Variants in SLITRK5 observed in about 807,000 individuals in gnomAD.
The protein encoded by SLITRK5 is SLIT and NTRK-like protein 5.
SLITRK5 carries 23 observed loss-of-function variants against 56.2 expected under a neutral mutation model. The ratio of observed to expected loss-of-function variants is 0.41; its 90% CI spans 0.29 to 0.58. SLITRK5 has a LOEUF of 0.58. Among genes scored for constraint, SLITRK5 ranks in the 20% least tolerant of loss-of-function variants. SLITRK5 has a pLI of 0.30. For missense variants in SLITRK5, 1,289 were observed against 1,226.6 expected, an observed-to-expected ratio of 1.05 and a Z score of -0.76; for synonymous variants, 637 against 531.8, an observed-to-expected ratio of 1.20 and a Z score of -2.72.
At chr13:87,674,624 G>A (rs1385378071) in intron 1 of SLITRK5, among the ~76,000 whole-genome samples, 1 of 152,098 alleles carries the variant, frequency 6.6e-6, no homozygotes, top group East Asian at 1.9e-4. Context: ...GGCGCTCTCC[G>A]GGAAGCGCTG....
At position 87,672,857 on chromosome 13, in the gene SLITRK5, GTGT is replaced by G. The variant is rs1877097183; in HGVS notation, c.-9+649_-9+651del. The G allele has an allele frequency of 2.2e-4, 4 of 18,220 alleles. No individual in the cohort carries two copies. In the South Asian group the frequency reaches 5.8e-3, roughly 26 times the overall value. The allele number at this position is 18,220 out of a possible 1,614,324, so 1.1% of individuals were successfully genotyped here. On this transcript the variant is annotated intron_variant, in intron 1 of 1. Transcript: ENST00000683689. ...CTATCGTTTACTTTGCAAAAGAGGT[GTGT>G]GTGTGTGTGTGTGTGTGTGTGTGTG... is the stretch of plus-strand genomic sequence containing the variant.
chr13:87,675,831 C>A lies in SLITRK5; in HGVS notation c.443C>A (p.Thr148Asn), dbSNP rs146758652. The change falls in exon 2 of 2, where the codon ACC becomes AAC. Residue 148 changes from threonine to asparagine, a missense_variant. Physicochemically the swap from Thr to Asn is moderately conservative, Grantham distance 65. Coordinates refer to ENST00000683689, the MANE Select transcript of SLITRK5 (RefSeq NM_001384609.1). ...NNKLELLRDD[T>N]FLGLENLEYL... The stretch of plus-strand genomic sequence containing the variant: ...AAACTGGAACTTCTGCGAGATGATA[C>A]CTTCCTTGGCTTGGAGAACCTGGAG... The A allele has an allele frequency of 4.3e-6, 7 of 1,613,998 alleles. No homozygotes were observed. Among genetic ancestry groups the A allele is most frequent in the Admixed American group, 3.3e-5 (2 of 60,004 alleles).
At position 87,678,160 on chromosome 13, in the gene SLITRK5, T is replaced by C; in HGVS notation, c.2772T>C (p.Phe924=). The change falls in exon 2 of 2, where the codon TTT becomes TTC. Residue 924 remains phenylalanine (F), a synonymous_variant. Transcript: ENST00000683689. ...PVLYSPPSAV[F]VEPNRNEYLE... is the part of the protein sequence containing the mutation. ...TCTACAGCCCCCCGAGTGCTGTCTT[T>C]GTAGAACCCAACCGGAACGAATATC... 1 of 1,614,224 alleles carries C rather than the reference T, an allele frequency of 6.2e-7. No homozygotes were observed. Among genetic ancestry groups the C allele is most frequent in the Non-Finnish European group, 8.5e-7 (1 of 1,180,050 alleles).
chr13:87,678,174 G>T lies in SLITRK5; in HGVS notation c.2786G>T (p.Arg929Leu), dbSNP rs767730218. Residue 929 changes from arginine to leucine, a missense_variant, in exon 2 of 2, where the codon CGG (arginine) becomes CTG (leucine). Coordinates refer to ENST00000683689, the MANE Select transcript of SLITRK5 (RefSeq NM_001384609.1). ...AGTGCTGTCTTTGTAGAACCCAACC[G>T]GAACGAATATCTGGAGTTAAAAGCA... ...PPSAVFVEPN[R>L]NEYLELKAKL... 1 of 1,614,180 alleles carries T rather than the reference G, an allele frequency of 6.2e-7. No homozygotes were observed. The highest frequency in any genetic ancestry group is 1.1e-5 in the South Asian group (1 of 91,084).
intron 1 of SLITRK5, among the ~76,000 whole-genome samples, chr13:87,674,959 G>C (rs368200962): frequency 2.8e-4 from 42 of 151,934 alleles, no homozygotes; most frequent in African/African-American, 9.4e-4. Flanking sequence ...AGAAAGAAGG[G>C]GGGGTGGGGG....
Position 87,677,116 on chromosome 13 carries a change from G to A in SLITRK5, c.1728G>A (p.Leu576=). 5 of 1,614,222 alleles carry A rather than the reference G, an allele frequency of 3.1e-6. No homozygotes were observed. Among genetic ancestry groups the A allele is most frequent in the Non-Finnish European group, 4.2e-6 (5 of 1,180,052 alleles). ...CCTGTGACATTGTGGGCATGAAGCT[G>A]TGGGTGGAGCAGCTCAAAGTGGGCG... ...DCTCDIVGMK[L]WVEQLKVGVL... is the part of the protein sequence containing the mutation. The change falls in exon 2 of 2, where the codon CTG becomes CTA. Residue 576 remains leucine, a synonymous_variant. Coordinates refer to ENST00000683689, the MANE Select transcript of SLITRK5 (RefSeq NM_001384609.1). This position sits in a 1 kb window ranked among gnomAD's most constrained non-coding sequence, Gnocchi z 4.7.
At chr13:87,673,468 G>A (rs61959133) in intron 1 of SLITRK5, 73,576 of 788,256 alleles carry the variant, frequency 0.093, 4,530 homozygotes, top group Non-Finnish European at 0.12. Flanking sequence ...TTTCAGATGG[G>A]GTGGGAGGTG....
In SLITRK5 at chr13:87,678,101, G is replaced by A. The variant is rs780010800; in HGVS notation, c.2713G>A (p.Gly905Arg). 7 of 1,614,098 alleles carry A rather than the reference G, an allele frequency of 4.3e-6. No individual in the cohort carries two copies. Among genetic ancestry groups the A allele is most frequent in the African/African-American group, 1.3e-5 (1 of 74,936 alleles). The part of the protein sequence containing the change: ...LRRPHQYLHP[G>R]AGDSRLREPV... ...ACGCCCCCATCAGTATTTGCACCCGGGGGCAGGGGACAGCAGGCTACGGGA... is the reference window on the plus strand; with the variant it reads ...ACGCCCCCATCAGTATTTGCACCCGAGGGCAGGGGACAGCAGGCTACGGGA... The change falls in exon 2 of 2, where the codon GGG becomes AGG. Residue 905 changes from glycine (G) to arginine (R), a missense_variant. Transcript: ENST00000683689.
chr13:87,676,661 C>A lies in SLITRK5; in HGVS notation c.1273C>A (p.Arg425Ser), dbSNP rs1404825112. Residue 425 changes from arginine to serine, a missense_variant, in exon 2 of 2, where the codon CGC (arginine) becomes AGC (serine). This residue lies in a region of SLITRK5 where 985 missense variants were observed against 906.0 expected (regional missense o/e 1.09). Coordinates refer to ENST00000683689, the MANE Select transcript of SLITRK5 (RefSeq NM_001384609.1). ...YLTENYIAVV[R>S]RTDFLEATGL... ...GACAGAGAACTACATCGCTGTCGTG[C>A]GCAGGACAGACTTCCTGGAGGCCAC... 2 of 1,613,848 alleles carry A rather than the reference C, an allele frequency of 1.2e-6. No homozygotes were observed. Among genetic ancestry groups the A allele is most frequent in the Non-Finnish European group, 8.5e-7 (1 of 1,180,032 alleles).
Position 87,676,571 on chromosome 13 carries a change from G to A in SLITRK5, c.1183G>A (p.Glu395Lys), listed in dbSNP as rs758739491. ...TCTGGGCCTCAACGTAAACTGCCAGGAGCGAAAGATCGAGAGCATCGCTGA... is the reference window on the plus strand; with the variant it reads ...TCTGGGCCTCAACGTAAACTGCCAGAAGCGAAAGATCGAGAGCATCGCTGA... Reference protein sequence around the residue: ...SDLGLNVNCQERKIESIAELQ... With the variant: ...SDLGLNVNCQKRKIESIAELQ... The change falls in exon 2 of 2, where the codon GAG becomes AAG. Residue 395 changes from glutamate to lysine, a missense_variant. Glu to Lys is a moderately conservative substitution (Grantham distance 56). This residue lies in a region of SLITRK5 where 985 missense variants were observed against 906.0 expected (regional missense o/e 1.09). Transcript: ENST00000683689. 48 of 1,614,098 alleles carry A rather than the reference G, an allele frequency of 3.0e-5. No homozygotes were observed. Among genetic ancestry groups the A allele is most frequent in the Non-Finnish European group, 4.0e-5 (47 of 1,180,028 alleles).
chr13:87,673,571 C>A, intron 1 of SLITRK5: 2 of 1,270,198 alleles, frequency 1.6e-6, no homozygotes, highest in Non-Finnish European at 2.1e-6. Context: ...ACTGAAATTT[C>A]AAGGTAAACG....
chr13:87,677,765 C>A lies in SLITRK5; in HGVS notation c.2377C>A (p.Gln793Lys), dbSNP rs1234220807. ...CACCTACAGCAGCAACCACCACCTG[C>A]AGCAGCAGCAGCAGCCGCCGCCGCC... Reference protein sequence around the residue: ...KVTYSSNHHLQQQQQPPPPPQ... With the variant: ...KVTYSSNHHLKQQQQPPPPPQ... Residue 793 changes from glutamine (Q) to lysine (K), a missense_variant, in exon 2 of 2, where the codon CAG becomes AAG. By Grantham distance (53) the Gln-to-Lys change is moderately conservative (BLOSUM62 1). This residue lies in a region of SLITRK5 where 985 missense variants were observed against 906.0 expected (regional missense o/e 1.09). Coordinates refer to ENST00000683689, the MANE Select transcript of SLITRK5 (RefSeq NM_001384609.1). This position sits in a 1 kb window ranked among gnomAD's most constrained non-coding sequence, Gnocchi z 4.7. 2 of 1,598,746 alleles carry A rather than the reference C, an allele frequency of 1.3e-6. No individual in the cohort carries two copies. Among genetic ancestry groups the A allele is most frequent in the Admixed American group, 3.3e-5 (2 of 59,814 alleles).
chr13:87,671,590 C>T lies in SLITRK5; in HGVS notation c.-628C>T. Among the ~76,000 whole-genome samples, 1 of 152,026 alleles carries T rather than the reference C, an allele frequency of 6.6e-6. No individual in the cohort carries two copies. The highest frequency in any genetic ancestry group is 2.1e-4 in the South Asian group (1 of 4,812). ...TTTTAGAGCCACCGGGCTGCCAGGA[C>T]AAGCCACAGGCATAGAACGACGCGG... is the stretch of plus-strand genomic sequence containing the variant. On this transcript the variant is annotated 5_prime_UTR_variant, in exon 1 of 2. Transcript: ENST00000683689.
chr13:87,677,683 C>T lies in SLITRK5; in HGVS notation c.2295C>T (p.Tyr765=), dbSNP rs750114645. 2 of 1,605,826 alleles carry T rather than the reference C, an allele frequency of 1.2e-6. No individual in the cohort carries two copies. The highest frequency in any genetic ancestry group is 1.7e-6 in the Non-Finnish European group (2 of 1,173,540). The part of the protein sequence containing the change: ...PLGHMCKNPI[Y]RSREGNSVED... ...GCCACATGTGCAAAAACCCCATCTACCGCTCCCGAGAGGGCAACTCCGTAG... is the reference window on the plus strand; with the variant it reads ...GCCACATGTGCAAAAACCCCATCTATCGCTCCCGAGAGGGCAACTCCGTAG... Residue 765 remains tyrosine, a synonymous_variant, in exon 2 of 2, where the codon TAC becomes TAT. Transcript: ENST00000683689. This position sits in a 1 kb window ranked among gnomAD's most constrained non-coding sequence, Gnocchi z 4.7.
chr13:87,675,366 C>A lies in SLITRK5; in HGVS notation c.-8-15C>A, dbSNP rs764700364. On this transcript the variant is annotated splice_polypyrimidine_tract_variant and intron_variant, in intron 1 of 1. Coordinates refer to ENST00000683689, the MANE Select transcript of SLITRK5 (RefSeq NM_001384609.1). ...TCATATTCTGTTATTTCCTTGTTTT[C>A]TCTCTCCCTTACAGGAGGTAAAATG... The A allele has an allele frequency of 5.0e-6, 8 of 1,587,946 alleles. No individual in the cohort carries two copies. The East Asian group carries it at 1.6e-4, about 31-fold the overall frequency.
Position 87,675,651 on chromosome 13 carries a change from T to A in SLITRK5, c.263T>A (p.Leu88Ter). Reference sequence around the variant, plus strand: ...CGTTTCCCAATCTACCACCTCTTGTTGTCCGGAAACCTTTTGAACCGTCTC... The same window carrying A: ...CGTTTCCCAATCTACCACCTCTTGTAGTCCGGAAACCTTTTGAACCGTCTC... Reference protein sequence around the residue: ...PPRFPIYHLLLSGNLLNRLYP... With the variant: ...PPRFPIYHLL Residue 88 changes from leucine (L) to a stop codon, truncating the protein, a stop_gained, in exon 2 of 2, where the codon TTG becomes TAG. Transcript: ENST00000683689. LOFTEE classifies it high-confidence loss of function. 6.2e-7 allele frequency: 1 copy of A among 1,614,202 alleles called. No homozygotes were observed. Among genetic ancestry groups the A allele is most frequent in the South Asian group, 1.1e-5 (1 of 91,088 alleles).
Position 87,678,460 on chromosome 13 carries a change from T to G in SLITRK5, c.*195T>G. On this transcript the variant is annotated 3_prime_UTR_variant, in exon 2 of 2. Coordinates refer to ENST00000683689, the MANE Select transcript of SLITRK5 (RefSeq NM_001384609.1). ...AAAATTTACACGTGGGAAACATTTGTGTAAACTGGGCACATCACTTTCTCT... is the reference window on the plus strand; with the variant it reads ...AAAATTTACACGTGGGAAACATTTGGGTAAACTGGGCACATCACTTTCTCT... 3.3e-6 allele frequency: 2 copies of G among 612,384 alleles called. No individual in the cohort carries two copies. Among genetic ancestry groups the G allele is most frequent in the South Asian group, 4.5e-5 (2 of 44,638 alleles). 37.9% of individuals were successfully genotyped at this position (612,384 alleles called of 1,614,324 possible). A position where few individuals can be genotyped will look rare whatever the true frequency, so the allele number is the denominator to read the frequency against.
At chr13:87,673,024 G>T (rs577104737) in intron 1 of SLITRK5, among the ~76,000 whole-genome samples, 2 of 151,544 alleles carry the variant, frequency 1.3e-5, no homozygotes, top group Non-Finnish European at 1.5e-5. Context: ...GGAACTCCGG[G>T]TGCTTCTGCC....
rs1201426099 is a variant in SLITRK5 at position 87,676,690 on chromosome 13, G to A, written c.1302G>A (p.Gly434=). 6.2e-7 allele frequency: 1 copy of A among 1,614,028 alleles called. No homozygotes were observed. ...VRRTDFLEAT[G]LDLLHLGNNR... Reference sequence around the variant, plus strand: ...GGACAGACTTCCTGGAGGCCACGGGGCTGGACCTCCTGCACCTGGGGAATA... The same window carrying A: ...GGACAGACTTCCTGGAGGCCACGGGACTGGACCTCCTGCACCTGGGGAATA... The change falls in exon 2 of 2, where the codon GGG becomes GGA. Residue 434 remains glycine (G), a synonymous_variant. Transcript: ENST00000683689.
Sources: gnomAD v4.1 joint callset for allele counts (sites outside exome capture counted in the v4.1 genomes callset) on GRCh38, gnomAD v4.1.1 for gene constraint, gnomAD v4.1.1 regional missense constraint, Gnocchi (gnomAD v3.1) non-coding constraint, MANE v1.5 for transcripts, NCBI Gene and HGNC (gene_info 2026-07-23, HGNC 2026-07-21) for gene names.